The following SHANK2 variants were observed in gnomAD, a reference collection of about 807,000 sequenced individuals.
SHANK2 encodes SH3 and multiple ankyrin repeat domains 2, also known as SH3 and multiple ankyrin repeat domains protein 2.
A neutral mutation model predicts 133.7 loss-of-function variants in SHANK2; 43 were observed. The ratio of observed to expected loss-of-function variants is 0.32; its 90% CI spans 0.25 to 0.41. The LOEUF is 0.41. Among genes scored for constraint, SHANK2 ranks in the 10% least tolerant of loss-of-function variants. The pLI is 1.00. For missense variants in SHANK2, 1,994 were observed against 2,235.8 expected (o/e 0.89, Z 2.18); for synonymous variants, 1,017 against 952.8 (o/e 1.07, Z -1.24).
chr11:70,529,050 C>T (rs771883636), intron 17 of SHANK2, among the ~76,000 whole-genome samples: 8 of 152,054 alleles, frequency 5.3e-5, no homozygotes, highest in East Asian at 3.9e-4. Context: ...TGGCTTGGGG[C>T]GGAACTCAGT....
At chr11:70,796,046 C>T (rs1305995947) in intron 14 of SHANK2, among the ~76,000 whole-genome samples, 2 of 152,192 alleles carry the variant, frequency 1.3e-5, no homozygotes, top group Non-Finnish European at 2.9e-5. Flanking sequence ...AACCTCCTCC[C>T]ACAGTAAACA....
At position 70,560,942 on chromosome 11, in the gene SHANK2, T is replaced by C. The variant is rs566817480; in HGVS notation, c.2062-58011A>G. Among the ~76,000 whole-genome samples, 3 of 152,132 alleles carry C rather than the reference T, an allele frequency of 2.0e-5. No individual in the cohort carries two copies. The South Asian group carries it at 6.2e-4, about 32-fold the overall frequency. On this transcript the variant is annotated intron_variant, in intron 17 of 25. Transcript: ENST00000601538. ...GTGCCCGGCCCACTTACTATAAAGA[T>C]ACAGTAATCAAGACAGTGGCACCAA...
At chr11:70,748,821 G>A (rs953956379) in intron 14 of SHANK2, among the ~76,000 whole-genome samples, 4 of 152,118 alleles carry the variant, frequency 2.6e-5, no homozygotes, top group Admixed American at 6.5e-5. Context: ...ATAAGCTGGC[G>A]ACCCCCTCCC....
intron 2 of SHANK2, among the ~76,000 whole-genome samples, chr11:71,211,613 T>C (rs1954283997): frequency 6.8e-6 from 1 of 147,446 alleles, no homozygotes; most frequent in African/African-American, 2.5e-5. Context: ...GTAGGGTATC[T>C]ATCACCACAA....
At chr11:71,216,264 T>C (rs150518315) in intron 2 of SHANK2, among the ~76,000 whole-genome samples, 3 of 152,330 alleles carry the variant, frequency 2.0e-5, no homozygotes, top group African/African-American at 7.2e-5. Context: ...TGCTGTATCA[T>C]ATGGTGCAGT....
chr11:71,215,999 A>G (rs2135709369), intron 2 of SHANK2, among the ~76,000 whole-genome samples: 1 of 151,920 alleles, frequency 6.6e-6, no homozygotes, highest in Non-Finnish European at 1.5e-5. Context: ...GAGTGGAGCA[A>G]GTGGAGCCCT....
intron 8 of SHANK2, among the ~76,000 whole-genome samples, chr11:71,076,903 C>T (rs1433477891): frequency 2.6e-5 from 4 of 152,192 alleles, no homozygotes; most frequent in African/African-American, 7.2e-5. Context: ...TTTCCTTCTT[C>T]CAGAGTGGGG....
chr11:70,659,177 C>T (rs1591716265), intron 17 of SHANK2, among the ~76,000 whole-genome samples: 3 of 152,276 alleles, frequency 2.0e-5, no homozygotes, highest in South Asian at 2.1e-4. Context: ...TTTGCAGAGC[C>T]GGAGCACTCA....
chr11:71,139,786 T>C (rs1952518009), intron 3 of SHANK2, among the ~76,000 whole-genome samples: 1 of 152,166 alleles, frequency 6.6e-6, no homozygotes, highest in South Asian at 2.1e-4. Flanking sequence ...CACACGACTA[T>C]TCAAGTGAGG....
intron 11 of SHANK2, among the ~76,000 whole-genome samples, chr11:70,862,554 T>C (rs574791831): frequency 8.2e-4 from 111 of 135,718 alleles, no homozygotes; most frequent in Non-Finnish European, 4.8e-5. Flanking sequence ...CTGATGGACA[T>C]GACTGGACTG....
Position 70,683,583 on chromosome 11 carries a change from G to A in SHANK2, c.1853+15105C>T, listed in dbSNP as rs532901271. ...TCTCTCACAGCGCTGGAGGCCAGAG[G>A]TGCAGTATCAGCATGACCACTGTGG... On this transcript the variant is annotated intron_variant, in intron 15 of 25. Transcript: ENST00000601538. Among the ~76,000 whole-genome samples the A allele has an allele frequency of 7.2e-5, 11 of 152,322 alleles. No homozygotes were observed. The South Asian group carries it at 2.3e-3, about 32-fold the overall frequency.
chr11:71,119,156 G>A (rs1331890965), intron 3 of SHANK2, 124 bp from the exon 4 acceptor site: 3 of 733,888 alleles, frequency 4.1e-6, no homozygotes, highest in Non-Finnish European at 6.7e-6. Flanking sequence ...TCTGAGCAGT[G>A]AACCCACGGC....
chr11:71,077,434 C>T (rs899289042), intron 8 of SHANK2, among the ~76,000 whole-genome samples: 236 of 152,270 alleles, frequency 1.5e-3, no homozygotes, highest in South Asian at 8.7e-3. Context: ...GAAACGGAAC[C>T]GCTGACTCCG....
chr11:70,517,853 C>CAT (rs2059284339), intron 17 of SHANK2, among the ~76,000 whole-genome samples: 1 of 152,116 alleles, frequency 6.6e-6, no homozygotes, highest in Non-Finnish European at 1.5e-5. Flanking sequence ...ATGTAGACTA[C>CAT]GGGCTTTAGT....
At chr11:71,184,397 C>T (rs1244064583) in intron 2 of SHANK2, among the ~76,000 whole-genome samples, 1 of 152,188 alleles carries the variant, frequency 6.6e-6, no homozygotes, top group African/African-American at 2.4e-5. Flanking sequence ...TCGCGTCCAT[C>T]ACTTGAAACA....
chr11:70,784,375 T>TTTTTTTTTTTTTTTTTTA (rs1947599358), intron 14 of SHANK2, among the ~76,000 whole-genome samples: 1 of 143,112 alleles, frequency 7.0e-6, no homozygotes, highest in Non-Finnish European at 1.5e-5. Flanking sequence ...TTTTTTTTTT[T>TTTTTTTTTTTTTTTTTTA]AAGTAGCGAC....
chr11:70,599,723 A>G (rs2060453470), intron 17 of SHANK2, among the ~76,000 whole-genome samples: 1 of 148,674 alleles, frequency 6.7e-6, no homozygotes, highest in Non-Finnish European at 1.5e-5. Flanking sequence ...ACCTGGGAGG[A>G]AGAGGTTGCA....
chr11:70,646,223 C>A (rs538566565), intron 17 of SHANK2: 4 of 152,202 alleles, frequency 2.6e-5, no homozygotes, highest in Non-Finnish European at 5.9e-5. Flanking sequence ...CTGGAAAGAT[C>A]GTTTCCCTTC....
At chr11:71,248,499 T>A (rs1490666333) in intron 1 of SHANK2, among the ~76,000 whole-genome samples, 4 of 152,194 alleles carry the variant, frequency 2.6e-5, no homozygotes, top group African/African-American at 7.2e-5. Context: ...GCTTCACTCC[T>A]CTGAGCTTCA....
Sources: allele counts gnomAD v4.1 joint callset (sites outside exome capture counted in the v4.1 genomes callset), GRCh38; gene constraint gnomAD v4.1.1; transcripts MANE v1.5; gene names NCBI Gene and HGNC (gene_info 2026-07-23, HGNC 2026-07-21).